ZFX: variants seen among roughly 807,000 people sequenced by gnomAD.
The protein encoded by ZFX is zinc finger protein X-linked, also known as zinc finger X-chromosomal protein.
For missense variants in ZFX, 362 were observed against 628.3 expected, an observed-to-expected ratio of 0.58 and a Z score of 4.53; for synonymous variants, 196 against 226.8, an observed-to-expected ratio of 0.86 and a Z score of 1.22.
intron 5 of ZFX, among the ~76,000 whole-genome samples, chrX:24,202,882 A>G (rs745349337): frequency 3.3e-4 from 37 of 112,128 alleles, no homozygotes; most frequent in Non-Finnish European, 5.6e-5. Context: ...CTGAGTAATG[A>G]AAATACAGGT....
intron 5 of ZFX, among the ~76,000 whole-genome samples, chrX:24,183,977 G>A (rs965297200): frequency 6.4e-5 from 7 of 109,957 alleles, no homozygotes; most frequent in Non-Finnish European, 1.1e-4. Flanking sequence ...GGCTGATCTC[G>A]ATCGAACTCC....
chrX:24,170,454 G>T (rs1453959632), intron 3 of ZFX, among the ~76,000 whole-genome samples: 1 of 110,422 alleles, frequency 9.1e-6, no homozygotes, highest in African/African-American at 3.3e-5. Flanking sequence ...ACCACGTCCA[G>T]CCAATGCTTA....
At position 24,179,874 on chromosome X, in the gene ZFX, A is replaced by G. The variant is rs189115002; in HGVS notation, c.646+104A>G. The G allele has an allele frequency of 2.3e-3, 1,647 of 724,773 alleles. 2 individuals carry two copies. Among genetic ancestry groups the G allele is most frequent in the Non-Finnish European group, 2.9e-3 (1,411 of 494,667 alleles). 59.7% of individuals were successfully genotyped at this position (724,773 alleles called of 1,213,427 possible). A position where few individuals can be genotyped will look rare whatever the true frequency, so the allele number is the denominator to read the frequency against. ...CTTGACTTAAATGTCTGTAAAAGTA[A>G]ATCTCATAGACCTACCTGCATTGTT... On this transcript the variant is annotated intron_variant, in intron 5 of 9. Coordinates refer to ENST00000304543, the MANE Select transcript of ZFX (RefSeq NM_003410.4).
intron 5 of ZFX, among the ~76,000 whole-genome samples, chrX:24,193,822 C>A (rs959054107): frequency 8.9e-6 from 1 of 111,823 alleles, no homozygotes; most frequent in African/African-American, 3.3e-5. Flanking sequence ...AATACACCTA[C>A]AATTTACCAT....
Position 24,208,297 on chromosome X carries a change from C to A in ZFX, c.1020C>A (p.Ala340=). ...EEDAAAAAAA[A]AVHEQQMDDN... ...ATGCTGCAGCAGCAGCGGCAGCCGC[C>A]GCCGTGCACGAGCAGCAAATGGATG... The change falls in exon 8 of 10, where the codon GCC becomes GCA. Residue 340 remains alanine, a synonymous_variant. Coordinates refer to ENST00000304543, the MANE Select transcript of ZFX (RefSeq NM_003410.4). 1 of 1,210,590 alleles carries A rather than the reference C, an allele frequency of 8.3e-7. No homozygotes were observed. Among genetic ancestry groups the A allele is most frequent in the Non-Finnish European group, 1.1e-6 (1 of 895,197 alleles).
intron 4 of ZFX, among the ~76,000 whole-genome samples, chrX:24,176,893 C>G (rs1282364210): frequency 8.9e-6 from 1 of 111,790 alleles, no homozygotes; most frequent in Non-Finnish European, 1.9e-5. Flanking sequence ...ATAAAACTTT[C>G]TTTGCTTTTC....
intron 3 of ZFX, among the ~76,000 whole-genome samples, chrX:24,166,525 C>T (rs1203070260): frequency 2.7e-5 from 3 of 112,134 alleles, no homozygotes; most frequent in African/African-American, 9.7e-5. Context: ...CGATTATATA[C>T]ATTTTCTCTT....
rs907682701 is a variant in ZFX, at chrX:24,208,949, C to G, written c.1143C>G (p.Leu381=). ...ACCGGAATGGCACTGCAAGTGCCCT[C>G]TTGCACATAGATGAGTCTGCTGGCC... The part of the protein sequence containing the change: ...IENRNGTASA[L]LHIDESAGLG... Residue 381 remains leucine, a synonymous_variant, in exon 9 of 10, where the codon CTC becomes CTG. Transcript: ENST00000304543. The G allele has an allele frequency of 1.7e-6, 2 of 1,210,248 alleles. No individual in the cohort carries two copies. Among genetic ancestry groups the G allele is most frequent in the African/African-American group, 3.5e-5 (2 of 57,200 alleles).
In ZFX at chrX:24,213,911, T is replaced by A. The variant is rs759166493; in HGVS notation, c.*2535T>A. On this transcript the variant is annotated 3_prime_UTR_variant, in exon 10 of 10. Coordinates refer to ENST00000304543, the MANE Select transcript of ZFX (RefSeq NM_003410.4). ...AAATGATTGGGTCATTTAACTATAT[T>A]TTTTTAAATAAACTGAAAGATAAAG... 16 of 110,990 alleles carry A rather than the reference T, an allele frequency of 1.4e-4. No homozygotes were observed. The highest frequency in any genetic ancestry group is 2.0e-4 in the African/African-American group (6 of 30,461). The allele number at this position is 110,990 out of a possible 1,213,427, so 9.1% of individuals were successfully genotyped here.
At chrX:24,202,837 G>A (rs1937388506) in intron 5 of ZFX, among the ~76,000 whole-genome samples, 1 of 111,898 alleles carries the variant, frequency 8.9e-6, no homozygotes, top group African/African-American at 3.3e-5. Flanking sequence ...TCAATATTCT[G>A]ATCATCTACC....
At chrX:24,173,817 A>T in intron 4 of ZFX, 1 of 408,891 alleles carries the variant, frequency 2.4e-6, no homozygotes, top group Non-Finnish European at 4.2e-6. Context: ...CTGGTCTTGA[A>T]CCCGTGGGCT....
chrX:24,176,925 TTTTA>T (rs1307572716), intron 4 of ZFX, among the ~76,000 whole-genome samples: 1 of 111,211 alleles, frequency 9.0e-6, no homozygotes, highest in African/African-American at 3.3e-5. Flanking sequence ...AGCCAAGATA[TTTTA>T]TTTATTTATT....
At chrX:24,203,340 A>T (rs182466961) in intron 5 of ZFX, among the ~76,000 whole-genome samples, 71 of 112,018 alleles carry the variant, frequency 6.3e-4, no homozygotes, top group African/African-American at 2.3e-3. Context: ...CATTGGATCT[A>T]CCTTTCCAAG....
Position 24,207,349 on chromosome X carries a change from C to G in ZFX, c.670C>G (p.His224Asp), listed in dbSNP as rs756847022. 1 of 1,199,240 alleles carries G rather than the reference C, an allele frequency of 8.3e-7. No homozygotes were observed. Among genetic ancestry groups the G allele is most frequent in the Non-Finnish European group, 1.1e-6 (1 of 890,409 alleles). ...ISLDDAGKIEHDGSSGMTMDT... is the reference protein window; with the variant it reads ...ISLDDAGKIEDDGSSGMTMDT... ...AGTGGATGATGCTGGCAAAATAGAA[C>G]ACGATGGTTCTTCTGGAATGACCAT... is the stretch of plus-strand genomic sequence containing the variant. The change falls in exon 6 of 10, where the codon CAC becomes GAC. Residue 224 changes from histidine to aspartate, a missense_variant. By Grantham distance (81) the His-to-Asp change is moderately conservative. Transcript: ENST00000304543.
intron 6 of ZFX, 71 bp from the exon 7 acceptor site, chrX:24,207,641 T>C (rs1481265207): frequency 1.3e-5 from 15 of 1,156,691 alleles, no homozygotes; most frequent in Non-Finnish European, 1.5e-5. Flanking sequence ...AAGAAAATTA[T>C]GTAAAAAGAA....
intron 3 of ZFX, among the ~76,000 whole-genome samples, chrX:24,168,671 C>CTTTTT (rs141296315): frequency 4.8e-5 from 4 of 83,254 alleles, no homozygotes; most frequent in Non-Finnish European, 6.9e-5. Flanking sequence ...TTCTTTCTTT[C>CTTTTT]TTTTTTTTTT....
intron 3 of ZFX, among the ~76,000 whole-genome samples, chrX:24,167,123 A>G (rs1157133558): frequency 7.1e-5 from 8 of 112,023 alleles, no homozygotes; most frequent in Admixed American, 9.5e-5. Flanking sequence ...GGAAATTCCA[A>G]AGTGAGTGCT....
intron 5 of ZFX, among the ~76,000 whole-genome samples, chrX:24,206,533 G>A (rs865969300): frequency 6.4e-5 from 6 of 94,478 alleles, no homozygotes; most frequent in African/African-American, 2.8e-4. Flanking sequence ...GTGTGTGTGT[G>A]TGTGTGTGTG....
chrX:24,196,116 T>TAA (rs1026659728), intron 5 of ZFX, among the ~76,000 whole-genome samples: 2 of 111,520 alleles, frequency 1.8e-5, no homozygotes, highest in Non-Finnish European at 3.8e-5. Flanking sequence ...CTGATCCATC[T>TAA]AAGTTTATTT....
Sources: gnomAD v4.1 joint callset for allele counts (sites outside exome capture counted in the v4.1 genomes callset) on GRCh38, gnomAD v4.1.1 for gene constraint, MANE v1.5 for transcripts, NCBI Gene and HGNC (gene_info 2026-07-23, HGNC 2026-07-21) for gene names.